The following CAB39L variants were observed in gnomAD, a reference collection of about 807,000 sequenced individuals.
The protein encoded by CAB39L is calcium-binding protein 39-like.
In CAB39L, 23 loss-of-function variants were observed where a neutral mutation model predicts 39.1. The observed-to-expected ratio is 0.59, with a 90% CI of 0.42 to 0.83. The LOEUF (loss-of-function observed/expected upper bound fraction) is 0.83. CAB39L is among the 40% of genes least tolerant of loss of function. CAB39L has a pLI of 0.00. For synonymous variants in CAB39L, 126 were observed against 137.2 expected (o/e 0.92, Z 0.57); for missense variants, 366 against 391.9 (o/e 0.93, Z 0.56).
At chr13:49,407,979 C>A (rs1244252504) in intron 3 of CAB39L, among the ~76,000 whole-genome samples, 2 of 151,654 alleles carry the variant, frequency 1.3e-5, no homozygotes, top group African/African-American at 4.9e-5. Context: ...TATGGAGAGA[C>A]GGAGTGCTAG....
At chr13:49,423,326 G>A (rs1205729473) in intron 3 of CAB39L, among the ~76,000 whole-genome samples, 1 of 152,212 alleles carries the variant, frequency 6.6e-6, no homozygotes, top group Non-Finnish European at 1.5e-5. Flanking sequence ...AAGAGATGAT[G>A]CCTGTGCAGA....
intron 3 of CAB39L, among the ~76,000 whole-genome samples, chr13:49,387,877 C>T (rs1956399072): frequency 6.6e-6 from 1 of 152,038 alleles, no homozygotes; most frequent in Non-Finnish European, 1.5e-5. Context: ...AGCAGAATAA[C>T]AATACAGAAA....
rs951304640 is a variant in CAB39L at position 49,359,799 on chromosome 13, T to C, written c.310A>G (p.Ile104Val). The change falls in exon 6 of 11, where the codon ATC becomes GTC. Residue 104 changes from isoleucine (I) to valine (V), a missense_variant. Transcript: ENST00000409308. ...CGAGTGCCTATCTGTCTTCTCAAGA[T>C]GTTGTTAAATATCTGGGTCACATCT... ...KKDVTQIFNN[I>V]LRRQIGTRSP... The C allele has an allele frequency of 3.7e-6, 6 of 1,612,412 alleles. No homozygotes were observed. The African/African-American group carries it at 5.3e-5, about 14-fold the overall frequency.
chr13:49,315,884 CAA>C (rs60700916), intron 10 of CAB39L, among the ~76,000 whole-genome samples: 10 of 120,302 alleles, frequency 8.3e-5, no homozygotes, highest in Non-Finnish European at 1.3e-4. Context: ...GTCTCCATCT[CAA>C]AAAAAAAAAA....
chr13:49,350,285 T>C (rs568897667), intron 7 of CAB39L, among the ~76,000 whole-genome samples: 1 of 152,332 alleles, frequency 6.6e-6, no homozygotes, highest in South Asian at 2.1e-4. Context: ...TAAAATAACA[T>C]GATGTCCTTC....
intron 5 of CAB39L, among the ~76,000 whole-genome samples, chr13:49,362,645 A>G (rs1175044299): frequency 2.0e-5 from 3 of 152,040 alleles, no homozygotes; most frequent in African/African-American, 4.8e-5. Flanking sequence ...CTGACCTTAA[A>G]GAGGAGGTAG....
At chr13:49,313,144 G>A (rs1337828479) in intron 10 of CAB39L, among the ~76,000 whole-genome samples, 1 of 152,146 alleles carries the variant, frequency 6.6e-6, no homozygotes, top group South Asian at 2.1e-4. Context: ...CCTCCCTGGA[G>A]GTCACCAATG....
At chr13:49,391,151 G>A (rs1181472067) in intron 3 of CAB39L, among the ~76,000 whole-genome samples, 1 of 152,200 alleles carries the variant, frequency 6.6e-6, no homozygotes, top group Non-Finnish European at 1.5e-5. Context: ...GACTGTCAGA[G>A]TGGAATCAGG....
intron 1 of CAB39L, among the ~76,000 whole-genome samples, chr13:49,434,730 T>C (rs1257981138): frequency 6.6e-6 from 1 of 152,104 alleles, no homozygotes; most frequent in African/African-American, 2.4e-5. Context: ...TAAAAACATT[T>C]TGCAACACTT....
At chr13:49,358,522 T>A (rs1262734246) in intron 6 of CAB39L, among the ~76,000 whole-genome samples, 1 of 152,022 alleles carries the variant, frequency 6.6e-6, no homozygotes, top group Non-Finnish European at 1.5e-5. Context: ...ATAAAAGAGA[T>A]AAAAGTGGTT....
At chr13:49,337,391 A>T (rs7985932) in intron 9 of CAB39L, among the ~76,000 whole-genome samples, 44,965 of 152,034 alleles carry the variant, frequency 0.3, 8,095 homozygotes, top group African/African-American at 0.51. Context: ...GGATTCTGAG[A>T]GGGATCTGAA....
At chr13:49,316,466 C>T (rs1233753305) in intron 10 of CAB39L, among the ~76,000 whole-genome samples, 2 of 152,192 alleles carry the variant, frequency 1.3e-5, no homozygotes, top group Non-Finnish European at 2.9e-5. Flanking sequence ...CACTTCCTAA[C>T]TTATGATATG....
At chr13:49,320,586 T>C (rs1031269978) in intron 10 of CAB39L, among the ~76,000 whole-genome samples, 2 of 152,214 alleles carry the variant, frequency 1.3e-5, no homozygotes, top group African/African-American at 4.8e-5. Flanking sequence ...CAACAGGGAT[T>C]GAGCCAGACA....
intron 3 of CAB39L, among the ~76,000 whole-genome samples, chr13:49,419,029 G>A (rs1174400809): frequency 6.6e-6 from 1 of 152,114 alleles, no homozygotes; most frequent in Non-Finnish European, 1.5e-5. Context: ...GTGCAGTGGT[G>A]CGATCTCGGC....
chr13:49,440,608 G>C (rs1957496207), intron 1 of CAB39L, among the ~76,000 whole-genome samples: 1 of 151,854 alleles, frequency 6.6e-6, no homozygotes, highest in Non-Finnish European at 1.5e-5. Context: ...CAATCCATGA[G>C]CATGGAGTGT....
chr13:49,421,748 TAACAAGCA>T (rs1381023848), intron 3 of CAB39L, among the ~76,000 whole-genome samples: 1 of 151,842 alleles, frequency 6.6e-6, no homozygotes, highest in African/African-American at 2.4e-5. Context: ...TACCCAGCAG[TAACAAGCA>T]AACCCCCTCC....
At chr13:49,315,559 G>A (rs1375490522) in intron 10 of CAB39L, among the ~76,000 whole-genome samples, 3 of 152,010 alleles carry the variant, frequency 2.0e-5, no homozygotes, top group Non-Finnish European at 2.9e-5. Context: ...CAGTGCTCAG[G>A]GGGAAATTTA....
intron 1 of CAB39L, among the ~76,000 whole-genome samples, chr13:49,441,517 T>C (rs985900303): frequency 6.6e-6 from 1 of 151,758 alleles, no homozygotes; most frequent in African/African-American, 2.4e-5. Context: ...CAGTAAGCTG[T>C]GATCATGCCA....
At chr13:49,331,579 C>A (rs1417618828) in intron 10 of CAB39L, among the ~76,000 whole-genome samples, 1 of 152,154 alleles carries the variant, frequency 6.6e-6, no homozygotes, top group East Asian at 1.9e-4. Context: ...TAGTACCCGA[C>A]TGTGTCTTCA....
Sources: gnomAD v4.1 joint callset for allele counts (sites outside exome capture counted in the v4.1 genomes callset) on GRCh38, gnomAD v4.1.1 for gene constraint, MANE v1.5 for transcripts, NCBI Gene and HGNC (gene_info 2026-07-23, HGNC 2026-07-21) for gene names.